Variants in ABCC5 observed in about 807,000 individuals in gnomAD.
ABCC5 encodes the protein ATP-binding cassette sub-family C member 5.
Under a neutral mutation model 160.9 loss-of-function variants are expected in ABCC5, and 61 were observed. The observed-to-expected ratio is 0.38, with a 90% CI of 0.31 to 0.47. The LOEUF (loss-of-function observed/expected upper bound fraction) is 0.47, where lower values mean the gene tolerates loss of function less well. Among genes scored for constraint, ABCC5 ranks in the 20% least tolerant of loss-of-function variants. The pLI is 0.99. For synonymous variants in ABCC5, 666 were observed against 700.6 expected (o/e 0.95, Z 0.78); for missense variants, 1,308 against 1,813.3 (o/e 0.72, Z 5.06).
At chr3:183,950,999 C>T (rs182819941) in intron 20 of ABCC5, among the ~76,000 whole-genome samples, 1 of 152,276 alleles carries the variant, frequency 6.6e-6, no homozygotes, top group East Asian at 1.9e-4. Flanking sequence ...AGGCCTGCTG[C>T]GGGGATTAAG....
chr3:183,984,374 C>T, intron 5 of ABCC5: 1 of 988,488 alleles, frequency 1.0e-6, no homozygotes, highest in Non-Finnish European at 1.2e-6. Context: ...CCCATCCACC[C>T]TTCTACCCAG....
intron 12 of ABCC5, among the ~76,000 whole-genome samples, chr3:183,966,244 C>T (rs547789668): frequency 6.6e-6 from 1 of 152,322 alleles, no homozygotes; most frequent in East Asian, 1.9e-4. Context: ...CAAACACCCT[C>T]ACACAGCGTG....
chr3:183,941,085 C>T (rs575041382), intron 25 of ABCC5, among the ~76,000 whole-genome samples: 2 of 152,272 alleles, frequency 1.3e-5, no homozygotes, highest in African/African-American at 2.4e-5. Flanking sequence ...GTCTTGAACT[C>T]CTGACGTCAG....
At chr3:183,983,882 T>C (rs1560032289) in intron 5 of ABCC5, 2 of 985,482 alleles carry the variant, frequency 2.0e-6, no homozygotes, top group Non-Finnish European at 2.4e-6. Flanking sequence ...AGTCGAGTTA[T>C]ACAGGACTAG....
intron 16 of ABCC5, among the ~76,000 whole-genome samples, chr3:183,960,383 A>T (rs1201588601): frequency 6.6e-6 from 1 of 151,856 alleles, no homozygotes; most frequent in Non-Finnish European, 1.5e-5. Context: ...TTTGGTCCAC[A>T]CTCGTTCCTC....
At chr3:183,968,632 C>CCTT (rs1264074465) in intron 11 of ABCC5, among the ~76,000 whole-genome samples, 6 of 152,164 alleles carry the variant, frequency 3.9e-5, no homozygotes, top group African/African-American at 1.2e-4. Flanking sequence ...AACTGAGTAT[C>CCTT]CTTAGGCAAG....
intron 12 of ABCC5, 71 bp downstream of exon 12, chr3:183,967,624 T>C: frequency 7.4e-7 from 1 of 1,345,548 alleles, no homozygotes; most frequent in South Asian, 1.2e-5. Context: ...CTCCAGGAAA[T>C]TTGTTCGTTT....
chr3:183,984,975 C>T (rs751211512), intron 5 of ABCC5: 3 of 1,199,816 alleles, frequency 2.5e-6, no homozygotes, highest in Non-Finnish European at 3.6e-6. Context: ...TGGGTAATAG[C>T]ATCAGCGCCT....
chr3:184,003,126 C>G (rs916245295), intron 2 of ABCC5, among the ~76,000 whole-genome samples: 7 of 152,088 alleles, frequency 4.6e-5, no homozygotes, highest in African/African-American at 1.7e-4. Flanking sequence ...CCCACGCAGC[C>G]TTTATGACAA....
At chr3:184,004,490 G>A (rs1170172375) in intron 2 of ABCC5, among the ~76,000 whole-genome samples, 1 of 123,676 alleles carries the variant, frequency 8.1e-6, no homozygotes, top group Non-Finnish European at 1.6e-5. Flanking sequence ...CAGCCTGGGT[G>A]ACAGAGACTC....
intron 3 of ABCC5, 68 bp downstream of exon 3, chr3:183,989,158 A>C (rs1260937462): frequency 4.3e-5 from 1 of 23,300 alleles, no homozygotes; most frequent in South Asian, 9.9e-4. Flanking sequence ...ACTCCATCTC[A>C]AAAAAAAAAA....
At chr3:184,010,032 TGTG>T in intron 2 of ABCC5, 1 of 408,944 alleles carries the variant, frequency 2.4e-6, no homozygotes, top group South Asian at 1.8e-5. Flanking sequence ...CATGGCCAGA[TGTG>T]GTGGCTGACG....
chr3:183,951,961 T>C lies in ABCC5; in HGVS notation c.2710A>G (p.Ser904Gly). The C allele has an allele frequency of 6.2e-7, 1 of 1,613,002 alleles. No individual in the cohort carries two copies. The highest frequency in any genetic ancestry group is 8.5e-7 in the Non-Finnish European group (1 of 1,179,082). Residue 904 changes from serine (S) to glycine (G), a missense_variant, in exon 19 of 30, where the codon AGC becomes GGC. Coordinates refer to ENST00000334444, the MANE Select transcript of ABCC5 (RefSeq NM_005688.4). This position sits in a 1 kb window ranked among gnomAD's most constrained non-coding sequence, Gnocchi z 4.7. ...TGCATATGAGGATTGTCCTTCATGCTGTCACTCACCGAGGTCTCGTTCCCT... is the reference window on the plus strand; with the variant it reads ...TGCATATGAGGATTGTCCTTCATGCCGTCACTCACCGAGGTCTCGTTCCCT... Reference protein sequence around the residue: ...TRGNETSVSDSMKDNPHMQYY... With the variant: ...TRGNETSVSDGMKDNPHMQYY...
At chr3:183,938,755 C>T in intron 25 of ABCC5, among the ~76,000 whole-genome samples, 1 of 152,164 alleles carries the variant, frequency 6.6e-6, no homozygotes, top group East Asian at 1.9e-4. Context: ...TCTTTTTTCT[C>T]CCTACCCCCT....
At chr3:183,922,688 A>G (rs1424432024) in intron 29 of ABCC5, among the ~76,000 whole-genome samples, 1 of 152,250 alleles carries the variant, frequency 6.6e-6, no homozygotes, top group Non-Finnish European at 1.5e-5. Context: ...CATGTACTCA[A>G]CTTTCTCAGC....
At chr3:183,953,670 T>C (rs1040570643) in intron 17 of ABCC5, among the ~76,000 whole-genome samples, 1 of 152,146 alleles carries the variant, frequency 6.6e-6, no homozygotes, top group African/African-American at 2.4e-5. Flanking sequence ...TGTGGGGTGG[T>C]TGGCAGGCAT....
chr3:183,956,767 C>T (rs1284334031), intron 17 of ABCC5, among the ~76,000 whole-genome samples: 29 of 31,696 alleles, frequency 9.1e-4, no homozygotes, highest in South Asian at 1.1e-3. Flanking sequence ...TCCGTGTGTA[C>T]ATCACATCGG....
In ABCC5 at chr3:183,952,441, C is replaced by T. The variant is rs191405875; in HGVS notation, c.2668-438G>A. ...GGATTACAGGCATGATCCACCACACCTAGCCCTCTTTCTCTCTATTCTAAT... is the reference window on the plus strand; with the variant it reads ...GGATTACAGGCATGATCCACCACACTTAGCCCTCTTTCTCTCTATTCTAAT... On this transcript the variant is annotated intron_variant, in intron 18 of 29. Transcript: ENST00000334444. Among the ~76,000 whole-genome samples the T allele has an allele frequency of 3.1e-4, 47 of 152,306 alleles. 2 individuals carry two copies. The South Asian group carries it at 5.4e-3, about 17-fold the overall frequency.
chr3:183,944,763 C>T (rs1236919924), intron 24 of ABCC5, among the ~76,000 whole-genome samples: 3 of 152,012 alleles, frequency 2.0e-5, no homozygotes, highest in Non-Finnish European at 4.4e-5. Context: ...CATCAGCTAT[C>T]GTTAGTATTA....
Sources: gnomAD v4.1 joint callset for allele counts (sites outside exome capture counted in the v4.1 genomes callset) on GRCh38, gnomAD v4.1.1 for gene constraint, Gnocchi (gnomAD v3.1) non-coding constraint, MANE v1.5 for transcripts, NCBI Gene and HGNC (gene_info 2026-07-23, HGNC 2026-07-21) for gene names.